SMIM35: variants seen among roughly 807,000 people sequenced by gnomAD.
SMIM35 encodes small integral membrane protein 35, also known as TMPRSS4 antisense RNA 1 (non-protein coding).
At chr11:118,035,833 G>A (rs1464086223) in intron 1 of SMIM35, among the ~76,000 whole-genome samples, 1 of 152,200 alleles carries the variant, frequency 6.6e-6, no homozygotes, top group Non-Finnish European at 1.5e-5. Context: ...CAGCACTTCT[G>A]GAACTTCTGG....
At chr11:118,083,091 A>G (rs1199850616) in intron 1 of SMIM35, among the ~76,000 whole-genome samples, 3 of 151,054 alleles carry the variant, frequency 2.0e-5, no homozygotes, top group African/African-American at 7.3e-5. Flanking sequence ...CGAATCCCCC[A>G]GGGGTGCTCA....
chr11:118,082,392 C>T (rs1945204523), intron 1 of SMIM35, among the ~76,000 whole-genome samples: 2 of 152,058 alleles, frequency 1.3e-5, no homozygotes, highest in Non-Finnish European at 2.9e-5. Context: ...GAAACCCCAT[C>T]TCTACTAAAG....
At chr11:118,017,522 T>C (rs945522969) in intron 1 of SMIM35, among the ~76,000 whole-genome samples, 3 of 151,984 alleles carry the variant, frequency 2.0e-5, no homozygotes, top group African/African-American at 7.3e-5. Flanking sequence ...TTATATACCA[T>C]ATTAGAGGGT....
intron 1 of SMIM35, among the ~76,000 whole-genome samples, chr11:118,035,431 C>T (rs920824263): frequency 3.9e-5 from 6 of 152,310 alleles, no homozygotes; most frequent in African/African-American, 9.6e-5. Context: ...CACATAGGAG[C>T]GCTGCCTTCA....
At position 118,072,368 on chromosome 11, in the gene SMIM35, A is replaced by G. The variant is rs533222899; in HGVS notation, c.7+14383T>C. 7.9e-5 allele frequency among the ~76,000 whole-genome samples: 12 copies of G among 152,324 alleles called. No homozygotes were observed. In the South Asian group the frequency reaches 2.5e-3, roughly 32 times the overall value. ...CTGGGTGTGATGGCAGAGACCTGTA[A>G]TCCCAGCTACTCCGGAGGCTGAGGC... is the stretch of plus-strand genomic sequence containing the variant. On this transcript the variant is annotated intron_variant, in intron 1 of 4. Transcript: ENST00000689828.
chr11:118,082,959 C>T (rs953040727), intron 1 of SMIM35, among the ~76,000 whole-genome samples: 1 of 152,172 alleles, frequency 6.6e-6, no homozygotes, highest in Non-Finnish European at 1.5e-5. Flanking sequence ...AAATCAAATG[C>T]AGAATCCTCG....
chr11:118,060,720 G>T (rs1481547028), intron 1 of SMIM35, among the ~76,000 whole-genome samples: 1 of 152,020 alleles, frequency 6.6e-6, no homozygotes, highest in African/African-American at 2.4e-5. Context: ...TGTTCCCCTC[G>T]CCACCCCTTC....
chr11:118,071,503 T>A (rs1944570882), intron 1 of SMIM35, among the ~76,000 whole-genome samples: 1 of 152,042 alleles, frequency 6.6e-6, no homozygotes, highest in Non-Finnish European at 1.5e-5. Flanking sequence ...AGACACTGGG[T>A]TCCCTCCACG....
At chr11:118,050,437 G>T (rs1944192760) in intron 1 of SMIM35, among the ~76,000 whole-genome samples, 1 of 152,272 alleles carries the variant, frequency 6.6e-6, no homozygotes, top group East Asian at 1.9e-4. Context: ...AGGTGAGCTG[G>T]GCACTAGCAC....
chr11:118,031,006 GATCA>G (rs1357162662), intron 1 of SMIM35, among the ~76,000 whole-genome samples: 1 of 152,012 alleles, frequency 6.6e-6, no homozygotes, highest in East Asian at 1.9e-4. Context: ...GATTGATACT[GATCA>G]ATCAATATCA....
intron 1 of SMIM35, among the ~76,000 whole-genome samples, chr11:118,036,585 G>C (rs542472857): frequency 6.6e-6 from 1 of 152,222 alleles, no homozygotes; most frequent in African/African-American, 2.4e-5. Context: ...TAAGCTGGGG[G>C]TGCCTGGGGA....
At chr11:118,072,464 G>A (rs1424209479) in intron 1 of SMIM35, among the ~76,000 whole-genome samples, 2 of 152,116 alleles carry the variant, frequency 1.3e-5, no homozygotes, top group African/African-American at 4.8e-5. Flanking sequence ...CTCCAACCTG[G>A]GTGACAGAGC....
intron 1 of SMIM35, among the ~76,000 whole-genome samples, chr11:118,072,166 C>T (rs1944581492): frequency 6.6e-6 from 1 of 152,142 alleles, no homozygotes; most frequent in Non-Finnish European, 1.5e-5. Context: ...GAGTGGGTGA[C>T]TGCTGATACT....
intron 1 of SMIM35, among the ~76,000 whole-genome samples, chr11:118,028,510 A>G (rs1286886824): frequency 6.6e-6 from 1 of 152,214 alleles, no homozygotes; most frequent in Non-Finnish European, 1.5e-5. Context: ...GGTCTGGCCA[A>G]AATACTATCT....
chr11:118,017,218 C>T (rs2058190003), intron 1 of SMIM35, among the ~76,000 whole-genome samples: 1 of 152,202 alleles, frequency 6.6e-6, no homozygotes, highest in Non-Finnish European at 1.5e-5. Context: ...GCCGATGGGT[C>T]CCAGAGAGAG....
At chr11:118,082,732 T>C (rs988446741) in intron 1 of SMIM35, among the ~76,000 whole-genome samples, 19 of 152,002 alleles carry the variant, frequency 1.2e-4, no homozygotes, top group Non-Finnish European at 2.5e-4. Flanking sequence ...AAACCCAAAT[T>C]ACCAGGAGAC....
chr11:118,078,372 G>C (rs1944859001), intron 1 of SMIM35, among the ~76,000 whole-genome samples: 2 of 152,202 alleles, frequency 1.3e-5, no homozygotes, highest in Admixed American at 1.3e-4. Flanking sequence ...CTGTCCAAGG[G>C]GGAAGGGTGT....
intron 1 of SMIM35, chr11:118,025,805 CT>C: frequency 4.5e-6 from 2 of 444,954 alleles, no homozygotes; most frequent in South Asian, 1.6e-5. Flanking sequence ...AATCAGGTCC[CT>C]TTTGTCAGTT....
chr11:118,063,324 CTTCT>C (rs1319797930), intron 1 of SMIM35, among the ~76,000 whole-genome samples: 1 of 152,160 alleles, frequency 6.6e-6, no homozygotes, highest in Non-Finnish European at 1.5e-5. Flanking sequence ...CACTTCTACT[CTTCT>C]TTCTGTTTCT....
Sources: allele counts gnomAD v4.1 joint callset (sites outside exome capture counted in the v4.1 genomes callset), GRCh38; gene constraint gnomAD v4.1.1; transcripts MANE v1.5; gene names NCBI Gene and HGNC (gene_info 2026-07-23, HGNC 2026-07-21).